Variants in KYNU observed in about 807,000 individuals in gnomAD.
The protein encoded by KYNU is kynureninase, also known as L-kynurenine hydrolase.
In KYNU, 54 loss-of-function variants were observed where a neutral mutation model predicts 59.2. The observed-to-expected ratio is 0.91, with a 90% CI of 0.73 to 1.14. The LOEUF (loss-of-function observed/expected upper bound fraction) is 1.14, where lower values mean the gene tolerates loss of function less well. Ranked by LOEUF, KYNU falls within the 50% of genes most tolerant of loss-of-function variation. The pLI is 0.00. For synonymous variants in KYNU, 177 were observed against 192.0 expected (o/e 0.92, Z 0.65); for missense variants, 567 against 554.4 (o/e 1.02, Z -0.23).
At chr2:142,986,645 TTGAC>T (rs1174313773) in intron 10 of KYNU, among the ~76,000 whole-genome samples, 2 of 151,916 alleles carry the variant, frequency 1.3e-5, no homozygotes, top group Non-Finnish European at 2.9e-5. Flanking sequence ...ACATTTTTAT[TTGAC>T]TGGGGAATTC....
intron 8 of KYNU, among the ~76,000 whole-genome samples, chr2:142,984,185 T>C (rs562815272): frequency 1.1e-3 from 175 of 152,188 alleles, no homozygotes; most frequent in Non-Finnish European, 1.8e-3. Context: ...ACATCGAGCA[T>C]TGGCCATTCA....
chr2:142,941,186 C>G (rs1264264984), intron 4 of KYNU, among the ~76,000 whole-genome samples: 5 of 152,206 alleles, frequency 3.3e-5, no homozygotes, highest in African/African-American at 7.2e-5. Context: ...AGTGAGATGT[C>G]TCTCAGGGCC....
chr2:142,972,031 A>G (rs115251292), intron 8 of KYNU, among the ~76,000 whole-genome samples: 192 of 152,270 alleles, frequency 1.3e-3, no homozygotes, highest in African/African-American at 4.5e-3. Flanking sequence ...AAATAAATCA[A>G]ACAAACTACA....
intron 10 of KYNU, among the ~76,000 whole-genome samples, chr2:142,997,463 C>G (rs997635432): frequency 6.6e-6 from 1 of 152,092 alleles, no homozygotes; most frequent in African/African-American, 2.4e-5. Flanking sequence ...GTCTGATCAG[C>G]ACATTTTTTA....
At chr2:142,907,689 C>T (rs189641258) in intron 2 of KYNU, among the ~76,000 whole-genome samples, 7 of 152,240 alleles carry the variant, frequency 4.6e-5, no homozygotes, top group South Asian at 2.1e-4. Context: ...ATTGTCCCCC[C>T]GTTGTGCTCT....
At chr2:142,968,916 A>G (rs1162318955) in intron 8 of KYNU, among the ~76,000 whole-genome samples, 1 of 150,702 alleles carries the variant, frequency 6.6e-6, no homozygotes, top group African/African-American at 2.4e-5. Context: ...CTGTCTCTAA[A>G]TAAATAAATA....
At chr2:142,980,300 A>G (rs562923552) in intron 8 of KYNU, among the ~76,000 whole-genome samples, 2 of 146,020 alleles carry the variant, frequency 1.4e-5, no homozygotes, top group Non-Finnish European at 3.0e-5. Context: ...CACTCTTGTC[A>G]TCATCTTGGT....
rs1687341864 is a variant in KYNU at position 143,055,674 on chromosome 2, G to GGAAC, written c.*13505_*13506insCGAA. On this transcript the variant is annotated 3_prime_UTR_variant, in exon 14 of 14. Coordinates refer to ENST00000264170, the MANE Select transcript of KYNU (RefSeq NM_003937.3). ...AGGAAGGAAGGAAGGAAGGAAGGAA[G>GGAAC]GAAGGAAGGAAAGGGAGGAGAGGAG... 2 of 151,226 alleles carry GGAAC rather than the reference G, an allele frequency of 1.3e-5. No homozygotes were observed. Among genetic ancestry groups the GGAAC allele is most frequent in the Admixed American group, 6.6e-5 (1 of 15,110 alleles). The allele number at this position is 151,226 out of a possible 1,614,324, so 9.4% of individuals were successfully genotyped here. A position where few individuals can be genotyped will look rare whatever the true frequency, so the allele number is the denominator to read the frequency against.
intron 10 of KYNU, chr2:142,988,767 G>A: frequency 1.0e-6 from 1 of 971,884 alleles, no homozygotes; most frequent in South Asian, 1.3e-5. Flanking sequence ...GTCAGTGACT[G>A]ATCTCAGTGC....
intron 2 of KYNU, among the ~76,000 whole-genome samples, chr2:142,913,532 C>A (rs1184707906): frequency 6.6e-6 from 1 of 152,106 alleles, no homozygotes; most frequent in Non-Finnish European, 1.5e-5. Flanking sequence ...TTGATTTCTA[C>A]TTTTATTCCA....
At chr2:142,967,304 T>G (rs928109472) in intron 8 of KYNU, 4 of 152,222 alleles carry the variant, frequency 2.6e-5, no homozygotes, top group African/African-American at 9.6e-5. Flanking sequence ...GCATATTTGT[T>G]TTTTTTCAGC....
At chr2:142,986,091 A>T (rs1685190723) in intron 10 of KYNU, 70 bp downstream of exon 10, 1 of 1,057,458 alleles carries the variant, frequency 9.5e-7, no homozygotes, top group African/African-American at 1.6e-5. Flanking sequence ...TGTTAAATTT[A>T]CATGAGTTCC....
Position 143,045,944 on chromosome 2 carries a change from G to T in KYNU, c.*3772G>T, listed in dbSNP as rs1380976322. The T allele has an allele frequency of 1.3e-5, 2 of 152,224 alleles. No individual in the cohort carries two copies. Among genetic ancestry groups the T allele is most frequent in the Admixed American group, 6.5e-5 (1 of 15,272 alleles). The allele number at this position is 152,224 out of a possible 1,614,324, so 9.4% of individuals were successfully genotyped here. ...AATGACAAATCATAATTTCTGAAGG[G>T]TATTAATTAGATGTTTGAGTGAGGG... is the stretch of plus-strand genomic sequence containing the variant. On this transcript the variant is annotated 3_prime_UTR_variant, in exon 14 of 14. Transcript: ENST00000264170.
At chr2:142,886,350 T>C (rs553569607) in intron 2 of KYNU, among the ~76,000 whole-genome samples, 1 of 152,296 alleles carries the variant, frequency 6.6e-6, no homozygotes, top group African/African-American at 2.4e-5. Context: ...TAATACAATT[T>C]TAGGATGTCT....
At chr2:142,961,275 CTTTTT>C (rs1156276566) in intron 8 of KYNU, among the ~76,000 whole-genome samples, 1 of 94,436 alleles carries the variant, frequency 1.1e-5, no homozygotes, top group Non-Finnish European at 2.0e-5. Flanking sequence ...ATTTAAACTG[CTTTTT>C]TTTTTTTTTT....
intron 10 of KYNU, among the ~76,000 whole-genome samples, chr2:142,991,343 A>G (rs1685392519): frequency 6.6e-6 from 1 of 151,916 alleles, no homozygotes; most frequent in Non-Finnish European, 1.5e-5. Context: ...GCAAAGTTTG[A>G]GACAACAGGA....
intron 8 of KYNU, among the ~76,000 whole-genome samples, chr2:142,967,941 AT>A (rs1199032762): frequency 2.0e-5 from 3 of 152,210 alleles, no homozygotes; most frequent in Non-Finnish European, 4.4e-5. Flanking sequence ...ACAAATATAA[AT>A]TAGCATAATG....
intron 8 of KYNU, among the ~76,000 whole-genome samples, chr2:142,983,493 A>G (rs1685106540): frequency 6.6e-6 from 1 of 152,080 alleles, no homozygotes; most frequent in African/African-American, 2.4e-5. Flanking sequence ...AAGCAGAACC[A>G]TTGATAGAAT....
intron 2 of KYNU, among the ~76,000 whole-genome samples, chr2:142,898,738 G>C (rs1681969726): frequency 6.6e-6 from 1 of 152,290 alleles, no homozygotes; most frequent in Non-Finnish European, 1.5e-5. Context: ...CTCCCAAGAT[G>C]GCAGCAAGCC....
Sources: allele counts gnomAD v4.1 joint callset (sites outside exome capture counted in the v4.1 genomes callset), GRCh38; gene constraint gnomAD v4.1.1; transcripts MANE v1.5; gene names NCBI Gene and HGNC (gene_info 2026-07-23, HGNC 2026-07-21).